The following SUMF1 variants were observed in gnomAD, a reference collection of about 807,000 sequenced individuals.
SUMF1 encodes formylglycine-generating enzyme.
Under a neutral mutation model 47.6 loss-of-function variants are expected in SUMF1, and 48 were observed. The observed-to-expected ratio is 1.01, with a 90% CI of 0.80 to 1.28. SUMF1 has a LOEUF of 1.28. SUMF1 is among the 50% of genes most tolerant of loss of function. SUMF1 has a pLI of 0.00. For synonymous variants in SUMF1, 230 were observed against 192.1 expected (o/e 1.20, Z -1.63); for missense variants, 571 against 485.4 (o/e 1.18, Z -1.66).
intron 1 of SUMF1, among the ~76,000 whole-genome samples, chr3:4,466,390 A>G (rs2079946881): frequency 6.6e-6 from 1 of 150,910 alleles, no homozygotes; most frequent in Non-Finnish European, 1.5e-5. Flanking sequence ...GATTACAGGC[A>G]TGTGAGCCAC....
intron 8 of SUMF1, among the ~76,000 whole-genome samples, chr3:4,215,712 C>A (rs1695908154): frequency 6.6e-6 from 1 of 152,130 alleles, no homozygotes; most frequent in African/African-American, 2.4e-5. Context: ...GATACAAAAT[C>A]AATGTGCAAA....
At chr3:4,218,801 C>A (rs979865766) in intron 8 of SUMF1, among the ~76,000 whole-genome samples, 1 of 152,162 alleles carries the variant, frequency 6.6e-6, no homozygotes, top group Non-Finnish European at 1.5e-5. Context: ...GTACATATTT[C>A]ATGATTTCTT....
chr3:4,368,472 C>G (rs1038733038), intron 8 of SUMF1, among the ~76,000 whole-genome samples: 2 of 152,042 alleles, frequency 1.3e-5, no homozygotes, highest in Non-Finnish European at 2.9e-5. Context: ...TTTGACCCAG[C>G]CATCCCATTA....
chr3:4,358,597 T>C (rs909319009), downstream of SUMF1, among the ~76,000 whole-genome samples: 1 of 152,168 alleles, frequency 6.6e-6, no homozygotes, highest in South Asian at 2.1e-4. Context: ...CTTAGCAATA[T>C]ATGAAGACCT....
At chr3:4,243,195 G>C (rs534066461) in intron 8 of SUMF1, among the ~76,000 whole-genome samples, 37 of 152,070 alleles carry the variant, frequency 2.4e-4, no homozygotes, top group South Asian at 6.3e-4. Context: ...CTATTTTGTT[G>C]ATCTTTTCAA....
At chr3:4,442,239 A>G (rs142682569) in intron 3 of SUMF1, among the ~76,000 whole-genome samples, 160 of 150,482 alleles carry the variant, frequency 1.1e-3, no homozygotes, top group South Asian at 1.9e-3. Context: ...GCACTCAAAC[A>G]GTTGTGCACC....
At chr3:4,402,370 A>AAGGC (rs1701239580) in intron 7 of SUMF1, among the ~76,000 whole-genome samples, 1 of 152,234 alleles carries the variant, frequency 6.6e-6, no homozygotes, top group Admixed American at 6.5e-5. Flanking sequence ...AGAGGTCACC[A>AAGGC]AGGCTCTACC....
intron 8 of SUMF1, among the ~76,000 whole-genome samples, chr3:4,188,958 A>T (rs1271763585): frequency 6.6e-6 from 1 of 152,218 alleles, no homozygotes; most frequent in Non-Finnish European, 1.5e-5. Flanking sequence ...CTTTAACTGT[A>T]TAAGATTCCT....
chr3:4,247,042 T>G (rs766488264), intron 8 of SUMF1, among the ~76,000 whole-genome samples: 1 of 152,136 alleles, frequency 6.6e-6, no homozygotes, highest in East Asian at 1.9e-4. Flanking sequence ...GGTGACTTCA[T>G]GTTTTCAGTA....
At chr3:4,233,194 G>A (rs953926823) in intron 8 of SUMF1, among the ~76,000 whole-genome samples, 18 of 152,086 alleles carry the variant, frequency 1.2e-4, no homozygotes, top group Non-Finnish European at 4.4e-5. Context: ...ACCTTCTGTG[G>A]GAGCTTGGTC....
At chr3:4,245,721 T>A (rs866156222) in intron 8 of SUMF1, among the ~76,000 whole-genome samples, 3 of 152,210 alleles carry the variant, frequency 2.0e-5, no homozygotes, top group Non-Finnish European at 4.4e-5. Flanking sequence ...GTAGGTAGTC[T>A]GTCCATTATC....
chr3:4,052,562 T>C (rs1695129798), intron 9 of SUMF1, among the ~76,000 whole-genome samples: 1 of 152,184 alleles, frequency 6.6e-6, no homozygotes, highest in Admixed American at 6.6e-5. Context: ...AGAAGCAATG[T>C]TGCCCTCTCA....
chr3:4,080,207 T>C (rs970173235), intron 8 of SUMF1, among the ~76,000 whole-genome samples: 2 of 152,144 alleles, frequency 1.3e-5, no homozygotes, highest in African/African-American at 2.4e-5. Context: ...CACACGTACA[T>C]TCCATTTGCT....
chr3:4,188,160 T>C (rs182867858), intron 8 of SUMF1, among the ~76,000 whole-genome samples: 34 of 147,974 alleles, frequency 2.3e-4, no homozygotes, highest in Non-Finnish European at 4.9e-4. Flanking sequence ...CCAAAGTCCA[T>C]AGTTTACATT....
intron 8 of SUMF1, chr3:4,317,118 C>T (rs1321352209): frequency 1.2e-5 from 19 of 1,543,824 alleles, no homozygotes; most frequent in Admixed American, 3.9e-5. Context: ...CCACAACCAG[C>T]AGGATGCAGA....
rs1159299184 is a variant in SUMF1 at position 4,316,467 on chromosome 3, C to T, written c.1014+59863G>A. On this transcript the variant is annotated intron_variant and NMD_transcript_variant, in intron 8 of 12. Transcript: ENST00000448413. The stretch of plus-strand genomic sequence containing the variant: ...GAGAGCAATCATCGAAGCTGATCCC[C>T]TTACAACTACACGAGAAGTTGCTGA... The T allele has an allele frequency of 3.7e-6, 6 of 1,604,558 alleles. No homozygotes were observed. The African/African-American group carries it at 5.4e-5, about 14-fold the overall frequency.
At chr3:4,095,512 T>C (rs905341519) in intron 8 of SUMF1, among the ~76,000 whole-genome samples, 6 of 152,114 alleles carry the variant, frequency 3.9e-5, no homozygotes, top group Non-Finnish European at 5.9e-5. Flanking sequence ...ATCAAATGAC[T>C]TGTTCAGCAT....
intron 8 of SUMF1, among the ~76,000 whole-genome samples, chr3:4,113,501 C>T (rs771617449): frequency 9.2e-5 from 14 of 151,954 alleles, no homozygotes; most frequent in Non-Finnish European, 1.8e-4. Flanking sequence ...GCTCTCCAGC[C>T]TGGGTCACAG....
chr3:4,206,617 T>C (rs559471524), intron 8 of SUMF1, among the ~76,000 whole-genome samples: 1 of 152,292 alleles, frequency 6.6e-6, no homozygotes, highest in South Asian at 2.1e-4. Context: ...CTGTATTTCC[T>C]ACCTCTTCAG....
Sources: allele counts gnomAD v4.1 joint callset (sites outside exome capture counted in the v4.1 genomes callset), GRCh38; gene constraint gnomAD v4.1.1; transcripts MANE v1.5; gene names NCBI Gene and HGNC (gene_info 2026-07-23, HGNC 2026-07-21).